NLRP12: variants seen among roughly 807,000 people sequenced by gnomAD.
The protein encoded by NLRP12 is NACHT, LRR and PYD domains-containing protein 12.
In NLRP12, 108 loss-of-function variants were observed where a neutral mutation model predicts 91.2. The observed-to-expected ratio is 1.18, with a 90% CI of 1.01 to 1.39. The LOEUF (loss-of-function observed/expected upper bound fraction) is 1.39. Ranked by LOEUF, NLRP12 falls within the 40% of genes most tolerant of loss-of-function variation. NLRP12 has a pLI of 0.00. For synonymous variants in NLRP12, 613 were observed against 566.7 expected (o/e 1.08, Z -1.16); for missense variants, 1,530 against 1,352.7 (o/e 1.13, Z -2.06).
chr19:53,796,261 G>C, intron 8 of NLRP12: 1 of 495,652 alleles, frequency 2.0e-6, no homozygotes, highest in Non-Finnish European at 3.8e-6. Flanking sequence ...TTTTATTTTT[G>C]TTTTGTTTGA....
Position 53,809,631 on chromosome 19 carries a change from G to T in NLRP12, c.2028C>A (p.Asp676Glu). The T allele has an allele frequency of 6.2e-7, 1 of 1,613,540 alleles. No individual in the cohort carries two copies. Among genetic ancestry groups the T allele is most frequent in the Non-Finnish European group, 8.5e-7 (1 of 1,179,960 alleles). ...YGATYSADGE[D>E]RARCSAGAHT... ...GCGCTCCTGCGGAGCACCTCGCGCGGTCTTCCCCGTCCGCGCTGTAGGTGG... is the reference window on the plus strand; with the variant it reads ...GCGCTCCTGCGGAGCACCTCGCGCGTTCTTCCCCGTCCGCGCTGTAGGTGG... The change falls in exon 3 of 10, where the codon GAC (aspartate) becomes GAA (glutamate). Residue 676 changes from aspartate (D) to glutamate (E), a missense_variant. Coordinates refer to ENST00000324134, the MANE Select transcript of NLRP12 (RefSeq NM_144687.4).
intron 1 of NLRP12, among the ~76,000 whole-genome samples, chr19:53,819,543 A>ATATATATG (rs1555799041): frequency 0.32 from 10,067 of 31,184 alleles, 4,123 homozygotes; most frequent in African/African-American, 0.35. Context: ...ATGTATACGT[A>ATATATATG]TATATATGTA....
rs745469775 is a variant in NLRP12 at position 53,814,896 on chromosome 19, C to T, written c.370+12G>A. ...TAGATGAATACATGTAGGTACATGG[C>T]TTGAGGCTCACCTTTTCTTGGAGTG... On this transcript the variant is annotated intron_variant, in intron 2 of 9. Transcript: ENST00000324134. 8.7e-6 allele frequency: 14 copies of T among 1,609,922 alleles called. No individual in the cohort carries two copies. In the Admixed American group the frequency reaches 2.0e-4, roughly 23 times the overall value.
intron 1 of NLRP12, among the ~76,000 whole-genome samples, chr19:53,821,667 C>T (rs1228590939): frequency 6.6e-6 from 1 of 151,238 alleles, no homozygotes; most frequent in Non-Finnish European, 1.5e-5. Context: ...GACTCTGTTT[C>T]AACAACAACA....
At chr19:53,800,631 G>A (rs1437419402) in intron 7 of NLRP12, among the ~76,000 whole-genome samples, 1 of 151,584 alleles carries the variant, frequency 6.6e-6, no homozygotes, top group Non-Finnish European at 1.5e-5. Flanking sequence ...TGCCCAGACT[G>A]GAGTGCAATG....
At position 53,809,467 on chromosome 19, in the gene NLRP12, G is replaced by C. The variant is rs535736656; in HGVS notation, c.2072+120C>G. ...AATCTCTTGAACCCGGGAGGCGGAG[G>C]TTGCAGTGAGCTGAGGTCACGCCAG... On this transcript the variant is annotated intron_variant, in intron 3 of 9. Transcript: ENST00000324134. The C allele has an allele frequency of 9.6e-5, 97 of 1,013,830 alleles. 1 individual carries two copies. In the African/African-American group the frequency reaches 1.5e-3, roughly 16 times the overall value. The allele number at this position is 1,013,830 out of a possible 1,614,324, so 62.8% of individuals were successfully genotyped here. A position where few individuals can be genotyped will look rare whatever the true frequency, so the allele number is the denominator to read the frequency against.
At chr19:53,803,235 G>A (rs1165831559) in intron 6 of NLRP12, among the ~76,000 whole-genome samples, 1 of 151,708 alleles carries the variant, frequency 6.6e-6, no homozygotes, top group African/African-American at 2.4e-5. Context: ...AGGCTGGAGT[G>A]CAATGACACA....
chr19:53,810,156 C>G lies in NLRP12; in HGVS notation c.1503G>C (p.Gln501His). The G allele has an allele frequency of 6.2e-7, 1 of 1,614,188 alleles. No individual in the cohort carries two copies. The highest frequency in any genetic ancestry group is 8.5e-7 in the Non-Finnish European group (1 of 1,180,028). ...VSAFLNMNIF[Q>H]KDINCERYYS... The stretch of plus-strand genomic sequence containing the variant: ...AGTACCTCTCACAGTTGATGTCCTT[C>G]TGGAAGATGTTCATGTTGAGGAAGG... The change falls in exon 3 of 10, where the codon CAG (glutamine) becomes CAC (histidine). Residue 501 changes from glutamine (Q) to histidine (H), a missense_variant. Coordinates refer to ENST00000324134, the MANE Select transcript of NLRP12 (RefSeq NM_144687.4).
chr19:53,795,914 C>G lies in NLRP12; in HGVS notation c.3043G>C (p.Val1015Leu), dbSNP rs2091748511. 1 of 1,614,054 alleles carries G rather than the reference C, an allele frequency of 6.2e-7. No individual in the cohort carries two copies. Among genetic ancestry groups the G allele is most frequent in the African/African-American group, 1.3e-5 (1 of 74,918 alleles). The change falls in exon 9 of 10, where the codon GTC becomes CTC. Residue 1015 changes from valine to leucine, a missense_variant. By Grantham distance (32) the Val-to-Leu change is conservative (BLOSUM62 1). Transcript: ENST00000324134. ...LTNNALGDTG[V>L]RLLCKRLSHP... is the part of the protein sequence containing the mutation. ...CTCAGCCGCTTGCAAAGCAGTCGGACACCTGTGTCCCCTAGGGCGTTGTTG... is the reference window on the plus strand; with the variant it reads ...CTCAGCCGCTTGCAAAGCAGTCGGAGACCTGTGTCCCCTAGGGCGTTGTTG...
chr19:53,798,283 C>T lies in NLRP12; in HGVS notation c.2887G>A (p.Glu963Lys), dbSNP rs139165669. Residue 963 changes from glutamate (E) to lysine (K), a missense_variant, in exon 8 of 10, where the codon GAG (glutamate) becomes AAG (lysine). Glu to Lys is a moderately conservative substitution (Grantham distance 56). Transcript: ENST00000324134. ...LGDWGLWLLA[E>K]GLQHPACRLQ... Reference sequence around the variant, plus strand: ...CTGCAGGCGGGATGTTGCAGCCCCTCAGCCAGCAACCACAGGCCCCAGTCT... The same window carrying T: ...CTGCAGGCGGGATGTTGCAGCCCCTTAGCCAGCAACCACAGGCCCCAGTCT... 175 of 1,614,200 alleles carry T rather than the reference C, an allele frequency of 1.1e-4. No homozygotes were observed. The highest frequency in any genetic ancestry group is 1.5e-4 in the Non-Finnish European group (173 of 1,180,038).
intron 3 of NLRP12, 181 bp from the exon 4 acceptor site, chr19:53,807,846 G>A (rs1315407111): frequency 1.4e-5 from 9 of 634,304 alleles, no homozygotes; most frequent in East Asian, 3.4e-5. Context: ...CGCCTCCTGG[G>A]TTCAAGCGAT....
Position 53,824,002 on chromosome 19 carries a change from T to G in NLRP12, c.173A>C (p.Gln58Pro). 1 of 1,614,212 alleles carries G rather than the reference T, an allele frequency of 6.2e-7. No individual in the cohort carries two copies. Among genetic ancestry groups the G allele is most frequent in the South Asian group, 1.1e-5 (1 of 91,084 alleles). ...MEKAGPLEMA[Q>P]LLITHFGPEE... ...TGGCCCGAAGTGGGTGATGAGCAGC[T>G]GGGCCATTTCCAGGGGACCGGCCTT... Residue 58 changes from glutamine (Q) to proline (P), a missense_variant, in exon 1 of 10, where the codon CAG (glutamine) becomes CCG (proline). Physicochemically the swap from Gln to Pro is moderately conservative, Grantham distance 76. Transcript: ENST00000324134.
Position 53,823,971 on chromosome 19 carries a change from C to G in NLRP12, c.204G>C (p.Glu68Asp). ...QLLITHFGPE[E>D]AWRLALSTFE... ...AGGTGCTGAGAGCCAACCTCCAGGC[C>G]TCCTCTGGCCCGAAGTGGGTGATGA... Residue 68 changes from glutamate to aspartate, a missense_variant, in exon 1 of 10, where the codon GAG becomes GAC. Glu to Asp is a conservative substitution (Grantham distance 45, BLOSUM62 2). Coordinates refer to ENST00000324134, the MANE Select transcript of NLRP12 (RefSeq NM_144687.4). 3.1e-6 allele frequency: 5 copies of G among 1,614,190 alleles called. No individual in the cohort carries two copies. The highest frequency in any genetic ancestry group is 4.2e-6 in the Non-Finnish European group (5 of 1,180,054).
intron 6 of NLRP12, among the ~76,000 whole-genome samples, chr19:53,801,801 T>C (rs2091879789): frequency 1.3e-5 from 2 of 151,652 alleles, no homozygotes; most frequent in Non-Finnish European, 1.5e-5. Flanking sequence ...AATTTAAAAA[T>C]GGGCAAAAGG....
chr19:53,801,447 T>C (rs1018383148), intron 6 of NLRP12, 50 bp from the exon 7 acceptor site: 7 of 1,455,802 alleles, frequency 4.8e-6, no homozygotes, highest in Non-Finnish European at 6.3e-6. Flanking sequence ...CCTTTCTTTT[T>C]CTTTTTTTTT....
chr19:53,823,198 A>G (rs2092285021), intron 1 of NLRP12, among the ~76,000 whole-genome samples: 1 of 144,756 alleles, frequency 6.9e-6, no homozygotes, highest in Admixed American at 7.3e-5. Flanking sequence ...GATTTTATAT[A>G]TATGTATTTT....
chr19:53,808,291 C>T (rs188583080), intron 3 of NLRP12: 8 of 172,200 alleles, frequency 4.6e-5, no homozygotes, highest in East Asian at 1.5e-4. Context: ...CTCTATCTGA[C>T]GCTCCTAATC....
rs10409778 is a variant in NLRP12, at chr19:53,793,783, C to A, written c.*266G>T. On this transcript the variant is annotated 3_prime_UTR_variant, in exon 10 of 10. Coordinates refer to ENST00000324134, the MANE Select transcript of NLRP12 (RefSeq NM_144687.4). ...TTTATTTTTAGTAGAGACAGGGTTTCACCATCTTGGCCAGGCTAATCTCAA... is the reference window on the plus strand; with the variant it reads ...TTTATTTTTAGTAGAGACAGGGTTTAACCATCTTGGCCAGGCTAATCTCAA... The A allele has an allele frequency of 0.066, 35,936 of 548,544 alleles. 1,736 individuals are homozygous for A. Among genetic ancestry groups the A allele is most frequent in the South Asian group, 0.16 (7,910 of 49,456 alleles). The allele number at this position is 548,544 out of a possible 1,614,324, so 34.0% of individuals were successfully genotyped here. A position where few individuals can be genotyped will look rare whatever the true frequency, so the allele number is the denominator to read the frequency against.
In NLRP12 at chr19:53,794,107, G is replaced by A. The variant is rs143874173; in HGVS notation, c.3128C>T (p.Thr1043Ile). ...WLFGMDLNKM[T>I]HSRLAALRVT... ...TCGAAGCGCTGCCAACCTACTGTGG[G>A]TCATTTTATTCAGGTCCATCCCAAA... The change falls in exon 10 of 10, where the codon ACC (threonine) becomes ATC (isoleucine). Residue 1043 changes from threonine to isoleucine, a missense_variant. Physicochemically the swap from Thr to Ile is moderately conservative, Grantham distance 89. Transcript: ENST00000324134. 3.3e-5 allele frequency: 53 copies of A among 1,613,630 alleles called. No homozygotes were observed. The highest frequency in any genetic ancestry group is 2.0e-4 in the African/African-American group (15 of 74,898).
Sources: gnomAD v4.1 joint callset for allele counts (sites outside exome capture counted in the v4.1 genomes callset) on GRCh38, gnomAD v4.1.1 for gene constraint, MANE v1.5 for transcripts, NCBI Gene and HGNC (gene_info 2026-07-23, HGNC 2026-07-21) for gene names.